The following CCDC57 variants were observed in gnomAD, a reference collection of about 807,000 sequenced individuals.
The protein encoded by CCDC57 is coiled-coil domain containing 57.
A neutral mutation model predicts 118.9 loss-of-function variants in CCDC57; 118 were observed. The ratio of observed to expected loss-of-function variants is 0.99; its 90% CI spans 0.86 to 1.16. The LOEUF is 1.16. CCDC57 is among the 50% of genes most tolerant of loss of function. The pLI is 0.00. For synonymous variants in CCDC57, 527 were observed against 532.9 expected (o/e 0.99, Z 0.15); for missense variants, 1,300 against 1,320.7 (o/e 0.98, Z 0.24).
At chr17:82,205,522 C>T (rs1220790983) in intron 2 of CCDC57, among the ~76,000 whole-genome samples, 1 of 152,240 alleles carries the variant, frequency 6.6e-6, no homozygotes, top group African/African-American at 2.4e-5. Context: ...CTGCTCCCTG[C>T]AGGCCCAGAG....
intron 1 of CCDC57, among the ~76,000 whole-genome samples, chr17:82,209,041 TA>T (rs2049988463): frequency 6.6e-6 from 1 of 152,134 alleles, no homozygotes; most frequent in South Asian, 2.1e-4. Flanking sequence ...ATCTACTCTT[TA>T]AATAGGTCCA....
At chr17:82,178,279 T>G (rs1161818241) in intron 11 of CCDC57, among the ~76,000 whole-genome samples, 195 bp downstream of exon 10, 1 of 152,172 alleles carries the variant, frequency 6.6e-6, no homozygotes, top group East Asian at 1.9e-4. Context: ...CTTTCGAATA[T>G]GAAAGATACA....
At position 82,157,729 on chromosome 17, in the gene CCDC57, G is replaced by A. The variant is rs1375528848; in HGVS notation, c.2241+19C>T. The A allele has an allele frequency of 3.2e-6, 5 of 1,560,836 alleles. No individual in the cohort carries two copies. The South Asian group carries it at 5.9e-5, about 18-fold the overall frequency. ...GCAGGAACCTCGGCGGGTGGCAGGA[G>A]GAGCTAGCGGGCACCCACCTCTCTC... is the stretch of plus-strand genomic sequence containing the variant. On this transcript the variant is annotated intron_variant, in intron 15 of 19. Transcript: ENST00000665763.
intron 19 of CCDC57, among the ~76,000 whole-genome samples, chr17:82,116,298 G>T (rs995556048): frequency 2.6e-5 from 4 of 151,776 alleles, no homozygotes; most frequent in African/African-American, 9.7e-5. Flanking sequence ...TGGGAGGCAG[G>T]GGGGCCTCCA....
chr17:82,200,118 C>G (rs779981031), intron 3 of CCDC57, among the ~76,000 whole-genome samples: 11 of 152,202 alleles, frequency 7.2e-5, no homozygotes, highest in Non-Finnish European at 1.5e-4. Flanking sequence ...TCTCCTTGCA[C>G]CTGACCTGCC....
rs779400869 is a variant in CCDC57 at position 82,172,823 on chromosome 17, T to C, written c.1544A>G (p.Asp515Gly). The C allele has an allele frequency of 1.2e-6, 2 of 1,613,272 alleles. No homozygotes were observed. Among genetic ancestry groups the C allele is most frequent in the Non-Finnish European group, 1.7e-6 (2 of 1,179,666 alleles). ...CCGCTGGATCTCACTGGATGGAAAG[T>C]CTTTACTTATTTCTTCTTCATGCTG... The change falls in exon 12 of 20, where the codon GAC (aspartate) becomes GGC (glycine). Residue 515 changes from aspartate to glycine, a missense_variant. Transcript: ENST00000665763. This position sits in a 1 kb window ranked among gnomAD's most constrained non-coding sequence, Gnocchi z 5.2.
At chr17:82,184,015 A>ACGCGCGCGCG in intron 8 of CCDC57, 83 bp from the exon 8 acceptor site, 1 of 525,130 alleles carries the variant, frequency 1.9e-6, no homozygotes, top group South Asian at 1.9e-5. Flanking sequence ...GCAAATACAC[A>ACGCGCGCGCG]TGCGCGCGCG....
chr17:82,208,892 A>T (rs978420538), intron 1 of CCDC57, among the ~76,000 whole-genome samples: 3 of 152,124 alleles, frequency 2.0e-5, no homozygotes, highest in Non-Finnish European at 4.4e-5. Flanking sequence ...GTTTTGAAAC[A>T]GAGTCTCAGT....
At position 82,102,267 on chromosome 17, in the gene CCDC57, C is replaced by T. The variant is rs186847528; in HGVS notation, c.2900-401G>A. Among the ~76,000 whole-genome samples, 107 of 152,314 alleles carry T rather than the reference C, an allele frequency of 7.0e-4. 1 individual carries two copies. The highest frequency in any genetic ancestry group is 1.3e-3 in the East Asian group (7 of 5,188). Reference sequence around the variant, plus strand: ...CAAAGCTCCTCCCCCCAGGCTGCCCCGGGTGTCCCTACCATCTGAGACACA... The same window carrying T: ...CAAAGCTCCTCCCCCCAGGCTGCCCTGGGTGTCCCTACCATCTGAGACACA... On this transcript the variant is annotated intron_variant, in intron 19 of 19. Coordinates refer to ENST00000665763, the Ensembl canonical transcript of CCDC57.
intron 16 of CCDC57, among the ~76,000 whole-genome samples, chr17:82,145,403 T>C (rs2040587315): frequency 6.6e-6 from 1 of 151,440 alleles, no homozygotes. Flanking sequence ...AAAAATTAGC[T>C]GGGCATGGTG....
intron 14 of CCDC57, among the ~76,000 whole-genome samples, chr17:82,158,919 C>T (rs1419506964): frequency 3.3e-5 from 5 of 151,796 alleles, no homozygotes; most frequent in African/African-American, 4.8e-5. Context: ...GTGGCGCGAT[C>T]GTGGCTCGCC....
intron 9 of CCDC57, among the ~76,000 whole-genome samples, 156 bp from the exon 9 acceptor site, chr17:82,179,345 C>T (rs995826890): frequency 2.0e-5 from 3 of 152,186 alleles, no homozygotes; most frequent in Non-Finnish European, 2.9e-5. Flanking sequence ...TGTGGATGGG[C>T]ACACTGGGAC....
intron 13 of CCDC57, among the ~76,000 whole-genome samples, chr17:82,169,152 A>G (rs970474083): frequency 6.6e-6 from 1 of 152,094 alleles, no homozygotes; most frequent in African/African-American, 2.4e-5. Context: ...TTTGAGATGG[A>G]GTCTCGCTCT....
chr17:82,168,390 T>C (rs1044568292), intron 13 of CCDC57, among the ~76,000 whole-genome samples: 1 of 152,150 alleles, frequency 6.6e-6, no homozygotes, highest in Non-Finnish European at 1.5e-5. Context: ...AGGCCAGAAG[T>C]TCGAGACCAG....
chr17:82,114,095 C>T (rs1178261008), intron 19 of CCDC57, among the ~76,000 whole-genome samples: 1 of 152,182 alleles, frequency 6.6e-6, no homozygotes. Context: ...CTCGTCAGTA[C>T]ACAGAGTGAC....
At chr17:82,201,991 G>A (rs1200399392) in intron 2 of CCDC57, 39 bp from the exon 2 acceptor site, 3 of 1,504,574 alleles carry the variant, frequency 2.0e-6, no homozygotes, top group Non-Finnish European at 2.7e-6. Flanking sequence ...TGCACCGTGA[G>A]GGGCCCTAAT....
chr17:82,109,494 A>G (rs374472814), intron 19 of CCDC57, among the ~76,000 whole-genome samples: 248 of 152,384 alleles, frequency 1.6e-3, no homozygotes, highest in African/African-American at 5.6e-3. Context: ...CCAGTAGACA[A>G]TAGTTCAATG....
chr17:82,141,776 C>T lies in CCDC57; in HGVS notation c.2456-7582G>A, dbSNP rs551984448. On this transcript the variant is annotated intron_variant, in intron 16 of 19. Transcript: ENST00000665763. Reference sequence around the variant, plus strand: ...ATCCGCACATTACCTGTCTGATGCCCGGGGAAAAAACACCTTTCTTTGAGA... The same window carrying T: ...ATCCGCACATTACCTGTCTGATGCCTGGGGAAAAAACACCTTTCTTTGAGA... Among the ~76,000 whole-genome samples, 11 of 152,080 alleles carry T rather than the reference C, an allele frequency of 7.2e-5. No individual in the cohort carries two copies. The East Asian group carries it at 7.7e-4, about 11-fold the overall frequency.
chr17:82,158,285 A>G (rs1275403062), intron 14 of CCDC57, among the ~76,000 whole-genome samples: 2 of 152,200 alleles, frequency 1.3e-5, no homozygotes, highest in African/African-American at 4.8e-5. Flanking sequence ...CAGAATTGCA[A>G]GTAACCGGTA....
Sources: gnomAD v4.1 joint callset for allele counts (sites outside exome capture counted in the v4.1 genomes callset) on GRCh38, gnomAD v4.1.1 for gene constraint, Gnocchi (gnomAD v3.1) non-coding constraint, MANE v1.5 for transcripts, NCBI Gene and HGNC (gene_info 2026-07-23, HGNC 2026-07-21) for gene names.